Variants in RARB observed in about 807,000 individuals in gnomAD.
RARB encodes retinoic acid receptor beta, also known as HBV-activated protein.
A neutral mutation model predicts 51.9 loss-of-function variants in RARB; 17 were observed. The observed-to-expected ratio is 0.33, with a 90% CI of 0.22 to 0.49. RARB has a LOEUF of 0.49. RARB is among the 20% of genes least tolerant of loss of function. The pLI, the probability that RARB is intolerant of heterozygous loss-of-function variation, is 0.99. For missense variants in RARB, 369 were observed against 550.8 expected, an observed-to-expected ratio of 0.67 and a Z score of 3.30; for synonymous variants, 215 against 195.4, an observed-to-expected ratio of 1.10 and a Z score of -0.84.
At chr3:25,213,499 G>A (rs570697110) in intron 5 of RARB, among the ~76,000 whole-genome samples, 13 of 152,142 alleles carry the variant, frequency 8.5e-5, no homozygotes, top group South Asian at 6.2e-4. Context: ...CATTTTTGAA[G>A]CATTACCAAT....
At chr3:25,478,370 C>A (rs972928379) in intron 2 of RARB, among the ~76,000 whole-genome samples, 1 of 152,190 alleles carries the variant, frequency 6.6e-6, no homozygotes, top group East Asian at 1.9e-4. Context: ...CAGGCTCTTT[C>A]TTCAGTTAGA....
chr3:24,971,287 T>C (rs1411691241), intron 2 of RARB, among the ~76,000 whole-genome samples: 1 of 152,002 alleles, frequency 6.6e-6, no homozygotes, highest in East Asian at 1.9e-4. Flanking sequence ...AGGAGGTTAG[T>C]CATTTAATCC....
intron 5 of RARB, among the ~76,000 whole-genome samples, chr3:25,211,908 A>G (rs1701708216): frequency 6.6e-6 from 1 of 152,182 alleles, no homozygotes. Flanking sequence ...TCTTTCGATC[A>G]CTTTCCCTTT....
upstream of RARB, among the ~76,000 whole-genome samples, chr3:25,423,612 G>C (rs761813224): frequency 6.6e-6 from 1 of 152,248 alleles, no homozygotes; most frequent in African/African-American, 2.4e-5. Context: ...TACATGTAGA[G>C]GACTTTTACT....
intron 3 of RARB, among the ~76,000 whole-genome samples, chr3:25,106,454 T>TTTTTTTGTTTG (rs1559468513): frequency 1.1e-5 from 1 of 89,854 alleles, no homozygotes; most frequent in African/African-American, 4.5e-5. Context: ...GTTTTTTGTT[T>TTTTTTTGTTTG]TTTGTTTTTT....
At chr3:25,146,902 G>A (rs996599508) in intron 4 of RARB, among the ~76,000 whole-genome samples, 1 of 152,152 alleles carries the variant, frequency 6.6e-6, no homozygotes, top group Non-Finnish European at 1.5e-5. Context: ...CCATACCAGA[G>A]ACCCTTCCTT....
chr3:24,977,327 A>G (rs1055214064), intron 2 of RARB, among the ~76,000 whole-genome samples: 10 of 152,124 alleles, frequency 6.6e-5, no homozygotes, highest in African/African-American at 2.4e-4. Context: ...TGGGGATAGG[A>G]TTGAATCTAT....
At chr3:25,063,094 G>T (rs186070706) in intron 3 of RARB, among the ~76,000 whole-genome samples, 261 of 151,980 alleles carry the variant, frequency 1.7e-3, no homozygotes, top group Non-Finnish European at 1.6e-3. Flanking sequence ...ATAATAAAGG[G>T]TATCAGTGCT....
intron 2 of RARB, among the ~76,000 whole-genome samples, chr3:24,894,812 T>C (rs191664034): frequency 1.8e-4 from 27 of 152,162 alleles, no homozygotes; most frequent in African/African-American, 6.3e-4. Context: ...ATGAAGAAGA[T>C]GTAGTACTTG....
intron 5 of RARB, among the ~76,000 whole-genome samples, chr3:25,418,727 C>G (rs183205815): frequency 6.6e-6 from 1 of 151,880 alleles, no homozygotes; most frequent in African/African-American, 2.4e-5. Context: ...GATTCATAAC[C>G]GAAGAGAAGG....
chr3:25,088,867 C>T (rs1162570110), intron 3 of RARB, among the ~76,000 whole-genome samples: 1 of 151,924 alleles, frequency 6.6e-6, no homozygotes, highest in Non-Finnish European at 1.5e-5. Flanking sequence ...TTAAATGGCA[C>T]AAGTCTCTTT....
intron 2 of RARB, among the ~76,000 whole-genome samples, chr3:24,945,684 T>A (rs1466077376): frequency 6.6e-6 from 1 of 152,218 alleles, no homozygotes; most frequent in Non-Finnish European, 1.5e-5. Context: ...CTTGGCACAT[T>A]TGATTGCTGA....
In RARB at chr3:25,597,398, A is replaced by ATAAC. The variant is rs1307907879; in HGVS notation, c.*785_*788dup. 5 of 128,160 alleles carry ATAAC rather than the reference A, an allele frequency of 3.9e-5. No individual in the cohort carries two copies. The highest frequency in any genetic ancestry group is 6.4e-5 in the African/African-American group (2 of 31,354). 7.9% of individuals were successfully genotyped at this position (128,160 alleles called of 1,614,324 possible). On this transcript the variant is annotated 3_prime_UTR_variant, in exon 8 of 8. Transcript: ENST00000330688. The stretch of plus-strand genomic sequence containing the variant: ...AGTGGTTTATTACTTGTTTAATGAC[A>ATAAC]TAACTACACAGTTAGTTAAAAAAAA...
intron 5 of RARB, among the ~76,000 whole-genome samples, chr3:25,230,456 A>G (rs1307094366): frequency 3.9e-5 from 6 of 152,118 alleles, no homozygotes; most frequent in Admixed American, 2.6e-4. Flanking sequence ...ATAATGTCCT[A>G]TTCACCAACA....
intron 2 of RARB, among the ~76,000 whole-genome samples, chr3:24,937,712 G>A (rs910201111): frequency 6.6e-6 from 1 of 152,012 alleles, no homozygotes; most frequent in Admixed American, 6.6e-5. Flanking sequence ...TCACTGTTGG[G>A]GCATCCTTAT....
chr3:25,363,534 A>C (rs1706018901), intron 5 of RARB, among the ~76,000 whole-genome samples: 1 of 152,048 alleles, frequency 6.6e-6, no homozygotes, highest in Non-Finnish European at 1.5e-5. Flanking sequence ...TTTCTGTCTT[A>C]TACTACATCT....
At position 25,402,112 on chromosome 3, in the gene RARB, A is replaced by G. The variant is rs149873757; in HGVS notation, c.179-59081A>G. Among the ~76,000 whole-genome samples, 616 of 152,312 alleles carry G rather than the reference A, an allele frequency of 4.0e-3. 10 individuals are homozygous for G. Among genetic ancestry groups the G allele is most frequent in the African/African-American group, 0.014 (581 of 41,576 alleles). On this transcript the variant is annotated intron_variant, in intron 5 of 11. Coordinates refer to the RARB transcript ENST00000383772. ...AACATATATATTTTGATTTGTAGAA[A>G]GAGTAAAGAGATAAAAAAGCAATTT...
chr3:25,432,954 T>G (rs1393557223), intron 1 of RARB, among the ~76,000 whole-genome samples: 1 of 152,220 alleles, frequency 6.6e-6, no homozygotes, highest in Non-Finnish European at 1.5e-5. Context: ...TTAGAACATC[T>G]TAGAATCTTC....
intron 1 of RARB, among the ~76,000 whole-genome samples, chr3:24,843,848 T>C (rs1253465955): frequency 6.6e-6 from 1 of 152,006 alleles, no homozygotes; most frequent in African/African-American, 2.4e-5. Context: ...AGCTGTGCTC[T>C]TGGTTGTCCA....
Sources: allele counts gnomAD v4.1 joint callset (sites outside exome capture counted in the v4.1 genomes callset), GRCh38; gene constraint gnomAD v4.1.1; transcripts MANE v1.5; gene names NCBI Gene and HGNC (gene_info 2026-07-23, HGNC 2026-07-21).